The following ANO3 variants were observed in gnomAD, a reference collection of about 807,000 sequenced individuals.
The protein encoded by ANO3 is anoctamin-3.
ANO3 carries 99 observed loss-of-function variants against 144.8 expected under a neutral mutation model. That is an observed-to-expected ratio of 0.68 (90% confidence interval 0.58 to 0.81). The LOEUF is 0.81. ANO3 is among the 30% of genes least tolerant of loss of function. The pLI is 0.00. For missense variants in ANO3, 905 were observed against 1,202.2 expected, an observed-to-expected ratio of 0.75 and a Z score of 3.66; for synonymous variants, 414 against 392.6, an observed-to-expected ratio of 1.05 and a Z score of -0.64.
chr11:26,486,642 A>C (rs1860464432), intron 4 of ANO3, among the ~76,000 whole-genome samples: 1 of 152,182 alleles, frequency 6.6e-6, no homozygotes, highest in African/African-American at 2.4e-5. Context: ...GGGATTTCTT[A>C]CCCTGACATG....
chr11:26,500,031 T>C (rs1861129438), intron 4 of ANO3, among the ~76,000 whole-genome samples: 1 of 152,030 alleles, frequency 6.6e-6, no homozygotes, highest in Non-Finnish European at 1.5e-5. Context: ...ATTTACCTAC[T>C]ATTCAGTTTT....
At chr11:26,655,490 A>C (rs1853656958) in intron 24 of ANO3, among the ~76,000 whole-genome samples, 1 of 152,184 alleles carries the variant, frequency 6.6e-6, no homozygotes, top group South Asian at 2.1e-4. Context: ...ATGCTGACTT[A>C]ACAATATCCC....
chr11:26,250,937 G>A (rs1852914480), intron 1 of ANO3, among the ~76,000 whole-genome samples: 1 of 152,048 alleles, frequency 6.6e-6, no homozygotes, highest in African/African-American at 2.4e-5. Flanking sequence ...CCTATAGTTG[G>A]GCTAAATCAT....
rs1381905617 is a variant in ANO3, at chr11:26,634,411, G to A, written c.1985+96G>A. ...GTTCTTACTCAAATGATTTCTGACA[G>A]CCACCAGCAGCTAAAGTTGGCACAA... On this transcript the variant is annotated intron_variant, in intron 19 of 26. Coordinates refer to ENST00000256737, the MANE Select transcript of ANO3 (RefSeq NM_031418.4). 8 of 734,914 alleles carry A rather than the reference G, an allele frequency of 1.1e-5. No homozygotes were observed. The East Asian group carries it at 2.3e-4, about 21-fold the overall frequency. The allele number at this position is 734,914 out of a possible 1,614,324, so 45.5% of individuals were successfully genotyped here. A position where few individuals can be genotyped will look rare whatever the true frequency, so the allele number is the denominator to read the frequency against.
At chr11:26,368,144 T>G (rs1211479514) in intron 1 of ANO3, among the ~76,000 whole-genome samples, 1 of 152,214 alleles carries the variant, frequency 6.6e-6, no homozygotes, top group Non-Finnish European at 1.5e-5. Context: ...TCTCTCCAGA[T>G]GAAATCCTGA....
intron 9 of ANO3, among the ~76,000 whole-genome samples, 170 bp from the exon 10 acceptor site, chr11:26,537,236 T>A (rs1343513125): frequency 6.6e-6 from 1 of 152,178 alleles, no homozygotes; most frequent in African/African-American, 2.4e-5. Context: ...AGATGCAGTA[T>A]CAGGTTTCTT....
intron 3 of ANO3, among the ~76,000 whole-genome samples, chr11:26,458,825 A>T (rs1276853336): frequency 6.6e-6 from 1 of 152,184 alleles, no homozygotes; most frequent in Non-Finnish European, 1.5e-5. Flanking sequence ...TTATACATAT[A>T]AATGTATACA....
At chr11:26,386,579 C>T (rs921130066) in intron 1 of ANO3, among the ~76,000 whole-genome samples, 6 of 152,184 alleles carry the variant, frequency 3.9e-5, no homozygotes, top group African/African-American at 1.2e-4. Context: ...AATGGGTTGA[C>T]GTCCTGAGCC....
chr11:26,492,034 G>T (rs1425371756), intron 4 of ANO3, among the ~76,000 whole-genome samples: 1 of 152,138 alleles, frequency 6.6e-6, no homozygotes, highest in African/African-American at 2.4e-5. Flanking sequence ...AAGGACAAGG[G>T]TTCCCCTGTT....
At chr11:26,247,189 T>C (rs891887026) in intron 1 of ANO3, among the ~76,000 whole-genome samples, 3 of 152,214 alleles carry the variant, frequency 2.0e-5, no homozygotes, top group Non-Finnish European at 4.4e-5. Context: ...CAATTATATT[T>C]TTATTGAGTG....
chr11:26,257,881 T>C (rs1312824508), intron 1 of ANO3, among the ~76,000 whole-genome samples: 1 of 152,152 alleles, frequency 6.6e-6, no homozygotes, highest in Admixed American at 6.6e-5. Flanking sequence ...TGTTTACTAA[T>C]GAAATTAAAG....
At chr11:26,588,322 A>G (rs1851346963) in intron 14 of ANO3, among the ~76,000 whole-genome samples, 1 of 69,100 alleles carries the variant, frequency 1.4e-5, no homozygotes, top group South Asian at 8.0e-4. Flanking sequence ...TGCATACTCA[A>G]TTTTTCTGTA....
At chr11:26,548,951 G>GGAA (rs1279791468) in intron 12 of ANO3, among the ~76,000 whole-genome samples, 36 of 146,928 alleles carry the variant, frequency 2.5e-4, no homozygotes, top group Admixed American at 6.1e-4. Context: ...CAATGAATTG[G>GGAA]AAAAAAAAAA....
intron 1 of ANO3, among the ~76,000 whole-genome samples, chr11:26,214,233 C>T (rs1293583814): frequency 6.6e-6 from 1 of 151,730 alleles, no homozygotes; most frequent in East Asian, 1.9e-4. Flanking sequence ...TACATATGTA[C>T]TGATGAATAT....
chr11:26,219,784 G>T (rs1050441779), intron 1 of ANO3, among the ~76,000 whole-genome samples: 2 of 152,110 alleles, frequency 1.3e-5, no homozygotes, highest in East Asian at 3.9e-4. Flanking sequence ...ATAAACAGAA[G>T]CCTAGGATAC....
chr11:26,342,369 G>T (rs561617007), intron 1 of ANO3, among the ~76,000 whole-genome samples: 6 of 152,282 alleles, frequency 3.9e-5, no homozygotes, highest in African/African-American at 1.2e-4. Flanking sequence ...AACCCATGAG[G>T]GTAGATTCAT....
chr11:26,535,348 T>C (rs1377551973), intron 9 of ANO3, among the ~76,000 whole-genome samples: 2 of 152,142 alleles, frequency 1.3e-5, no homozygotes, highest in South Asian at 2.1e-4. Context: ...GTAAATAAAA[T>C]TGCAGAATTT....
chr11:26,312,567 GT>G (rs1463238592), intron 1 of ANO3, among the ~76,000 whole-genome samples: 2 of 152,118 alleles, frequency 1.3e-5, no homozygotes, highest in East Asian at 3.8e-4. Context: ...TCTCATTATG[GT>G]TTTGATTTGC....
chr11:26,326,695 T>C (rs1262042272), intron 1 of ANO3, among the ~76,000 whole-genome samples: 1 of 152,110 alleles, frequency 6.6e-6, no homozygotes, highest in Non-Finnish European at 1.5e-5. Context: ...AAAGGTTACC[T>C]CCATTTCCAT....
Sources: allele counts gnomAD v4.1 joint callset (sites outside exome capture counted in the v4.1 genomes callset), GRCh38; gene constraint gnomAD v4.1.1; transcripts MANE v1.5; gene names NCBI Gene and HGNC (gene_info 2026-07-23, HGNC 2026-07-21).